Variants in RBM46 observed in about 807,000 individuals in gnomAD.
RBM46 encodes RNA binding motif protein 46.
In RBM46, 12 loss-of-function variants were observed where a neutral mutation model predicts 43.3. The ratio of observed to expected loss-of-function variants is 0.28; its 90% CI spans 0.18 to 0.45. The LOEUF (loss-of-function observed/expected upper bound fraction) is 0.45. Ranked by LOEUF, RBM46 falls within the 20% of genes least tolerant of loss-of-function variation. RBM46 has a pLI of 1.00. For synonymous variants in RBM46, 205 were observed against 207.6 expected (o/e 0.99, Z 0.11); for missense variants, 412 against 639.1 (o/e 0.64, Z 3.83).
At chr4:154,785,245 T>C (rs944290481) in intron 1 of RBM46, among the ~76,000 whole-genome samples, 5 of 152,084 alleles carry the variant, frequency 3.3e-5, no homozygotes, top group African/African-American at 1.2e-4. Context: ...GAGCCTTTAA[T>C]GTGTATGGAC....
intron 4 of RBM46, among the ~76,000 whole-genome samples, chr4:154,802,467 T>G (rs1734683936): frequency 6.6e-6 from 1 of 152,228 alleles, no homozygotes; most frequent in African/African-American, 2.4e-5. Flanking sequence ...TGTTGGAGCC[T>G]CTGGGTTTTA....
Position 154,790,302 on chromosome 4 carries a change from G to A in RBM46, c.-11-6440G>A, listed in dbSNP as rs1450792804. ...AGATCTTTCCTGCTTTCTCTTGTGG[G>A]CATTTAGTGCTATAAAATTCCCTCT... On this transcript the variant is annotated intron_variant, in intron 1 of 4. Transcript: ENST00000281722. 2.6e-5 allele frequency: 4 copies of A among 152,072 alleles called. 1 individual carries two copies. The highest frequency in any genetic ancestry group is 2.0e-4 in the Admixed American group (3 of 15,272). The allele number at this position is 152,072 out of a possible 1,614,324, so 9.4% of individuals were successfully genotyped here.
intron 1 of RBM46, among the ~76,000 whole-genome samples, chr4:154,786,784 A>G (rs1248533928): frequency 1.3e-5 from 2 of 152,092 alleles, no homozygotes; most frequent in South Asian, 2.1e-4. Flanking sequence ...AAAATTAGCC[A>G]GGCATGATGG....
At chr4:154,826,412 C>T (rs933252992) in intron 4 of RBM46, among the ~76,000 whole-genome samples, 10 of 151,946 alleles carry the variant, frequency 6.6e-5, no homozygotes, top group African/African-American at 1.2e-4. Context: ...GAGCTGAGAC[C>T]GCACCATTGC....
chr4:154,822,800 C>G (rs1735782068), intron 4 of RBM46, among the ~76,000 whole-genome samples: 1 of 151,554 alleles, frequency 6.6e-6, no homozygotes, highest in African/African-American at 2.4e-5. Flanking sequence ...AATCAGGTGT[C>G]TCATCCTTAA....
chr4:154,788,906 G>C (rs1323284184), intron 1 of RBM46, among the ~76,000 whole-genome samples: 1 of 152,128 alleles, frequency 6.6e-6, no homozygotes, highest in South Asian at 2.1e-4. Flanking sequence ...CACATCCCTT[G>C]TAAGTTGGCT....
At chr4:154,826,149 TAA>T (rs370010655) in intron 4 of RBM46, among the ~76,000 whole-genome samples, 13 of 139,056 alleles carry the variant, frequency 9.3e-5, no homozygotes, top group Non-Finnish European at 7.8e-5. Context: ...TGGATCCTTT[TAA>T]AAAAAAAAAA....
At chr4:154,809,197 T>C (rs1161517105) in intron 4 of RBM46, among the ~76,000 whole-genome samples, 6 of 152,018 alleles carry the variant, frequency 3.9e-5, no homozygotes, top group African/African-American at 1.4e-4. Context: ...TATTTTCTTA[T>C]TTATGTATTT....
chr4:154,793,510 T>TG (rs573798846), intron 1 of RBM46, among the ~76,000 whole-genome samples: 41 of 152,302 alleles, frequency 2.7e-4, no homozygotes, highest in Admixed American at 2.7e-3. Context: ...AGTTTTCTGT[T>TG]GGGCTTCCCA....
At chr4:154,815,280 A>G (rs1260953987) in intron 4 of RBM46, among the ~76,000 whole-genome samples, 1 of 152,008 alleles carries the variant, frequency 6.6e-6, no homozygotes, top group African/African-American at 2.4e-5. Context: ...TGACACTCTA[A>G]AGATTCTTGA....
chr4:154,802,129 G>A (rs1329390559), intron 4 of RBM46, among the ~76,000 whole-genome samples: 4 of 152,152 alleles, frequency 2.6e-5, no homozygotes. Flanking sequence ...GGTGGAGTAC[G>A]CAAAGCCTGA....
intron 1 of RBM46, among the ~76,000 whole-genome samples, chr4:154,794,402 G>A (rs919377568): frequency 1.3e-5 from 2 of 151,772 alleles, no homozygotes; most frequent in African/African-American, 2.4e-5. Context: ...GGATGATCTC[G>A]ACCTCCTGAC....
intron 4 of RBM46, among the ~76,000 whole-genome samples, chr4:154,801,178 G>A (rs1734620827): frequency 6.6e-6 from 1 of 151,936 alleles, no homozygotes; most frequent in African/African-American, 2.4e-5. Context: ...AGGGTTTCAC[G>A]ACGTTGGCCA....
intron 4 of RBM46, among the ~76,000 whole-genome samples, chr4:154,825,703 A>G (rs977677204): frequency 1.3e-5 from 2 of 152,214 alleles, no homozygotes; most frequent in Admixed American, 6.5e-5. Flanking sequence ...GAATGAAGAT[A>G]AGCTAAGCAT....
chr4:154,810,159 TATTAA>T (rs1217230299), intron 4 of RBM46, among the ~76,000 whole-genome samples: 1 of 152,110 alleles, frequency 6.6e-6, no homozygotes, highest in Non-Finnish European at 1.5e-5. Context: ...TATATTTCAT[TATTAA>T]ATTGGGAAAA....
intron 4 of RBM46, among the ~76,000 whole-genome samples, chr4:154,807,686 C>T (rs993457079): frequency 4.0e-5 from 6 of 151,826 alleles, no homozygotes; most frequent in African/African-American, 1.2e-4. Context: ...AGTACCTTAC[C>T]TCCAAGAATG....
At chr4:154,804,693 T>TA (rs1264497984) in intron 4 of RBM46, among the ~76,000 whole-genome samples, 1 of 152,158 alleles carries the variant, frequency 6.6e-6, no homozygotes, top group African/African-American at 2.4e-5. Flanking sequence ...ATTTTTTTCT[T>TA]ACTTGTATGG....
At chr4:154,823,124 C>T (rs1735795489) in intron 4 of RBM46, among the ~76,000 whole-genome samples, 1 of 151,860 alleles carries the variant, frequency 6.6e-6, no homozygotes, top group East Asian at 1.9e-4. Context: ...ATACATGCTA[C>T]AACATGTATG....
At position 154,799,296 on chromosome 4, in the gene RBM46, T is replaced by C; in HGVS notation, c.1134T>C (p.Leu378=). 3 of 1,614,210 alleles carry C rather than the reference T, an allele frequency of 1.9e-6. No homozygotes were observed. Among genetic ancestry groups the C allele is most frequent in the Non-Finnish European group, 2.5e-6 (3 of 1,180,030 alleles). The change falls in exon 4 of 5, where the codon CTT becomes CTC. Residue 378 remains leucine (L), a synonymous_variant. Coordinates refer to ENST00000281722, the MANE Select transcript of RBM46 (RefSeq NM_144979.5). The part of the protein sequence containing the change: ...CTYPFYPGTK[L]TPISMYSLKS... The stretch of plus-strand genomic sequence containing the variant: ...ACCCTTTTTATCCTGGAACAAAGCT[T>C]ACTCCAATTAGTATGTATTCTTTAA...
Sources: gnomAD v4.1 joint callset for allele counts (sites outside exome capture counted in the v4.1 genomes callset) on GRCh38, gnomAD v4.1.1 for gene constraint, MANE v1.5 for transcripts, NCBI Gene and HGNC (gene_info 2026-07-23, HGNC 2026-07-21) for gene names.